RAPGEF4: variants seen among roughly 807,000 people sequenced by gnomAD.
The protein encoded by RAPGEF4 is RAP guanine-nucleotide-exchange factor (GEF) 4.
Under a neutral mutation model 147.9 loss-of-function variants are expected in RAPGEF4, and 66 were observed. The ratio of observed to expected loss-of-function variants is 0.45; its 90% CI spans 0.37 to 0.55. The LOEUF (loss-of-function observed/expected upper bound fraction) is 0.55. RAPGEF4 is among the 20% of genes least tolerant of loss of function. RAPGEF4 has a pLI of 0.00. For missense variants in RAPGEF4, 1,071 were observed against 1,257.3 expected (o/e 0.85, Z 2.24); for synonymous variants, 419 against 442.7 (o/e 0.95, Z 0.67).
intron 20 of RAPGEF4, 45 bp from the exon 21 acceptor site, chr2:173,017,381 A>G: frequency 6.4e-7 from 1 of 1,563,162 alleles, no homozygotes; most frequent in Non-Finnish European, 8.8e-7. Context: ...GCTAGCATGC[A>G]TTGGTCACTG....
chr2:173,041,355 G>A (rs1684737836), intron 29 of RAPGEF4, among the ~76,000 whole-genome samples: 1 of 152,156 alleles, frequency 6.6e-6, no homozygotes, highest in Admixed American at 6.5e-5. Context: ...AGTACTTTGA[G>A]AGTTTACATC....
chr2:172,917,498 G>T (rs920665798), intron 4 of RAPGEF4: 1 of 627,070 alleles, frequency 1.6e-6, no homozygotes, highest in Non-Finnish European at 3.0e-6. Context: ...TGTTTGTGGG[G>T]TTGGGGAGGG....
chr2:172,833,126 C>A (rs1299142053), intron 4 of RAPGEF4, among the ~76,000 whole-genome samples: 1 of 151,864 alleles, frequency 6.6e-6, no homozygotes, highest in Non-Finnish European at 1.5e-5. Flanking sequence ...ATCACTTGAA[C>A]CTGAGAGGTG....
chr2:172,920,562 T>C (rs1280152988), intron 5 of RAPGEF4, among the ~76,000 whole-genome samples: 1 of 152,136 alleles, frequency 6.6e-6, no homozygotes, highest in African/African-American at 2.4e-5. Context: ...AACCTTTCAA[T>C]GATCATCCAT....
At position 172,953,314 on chromosome 2, in the gene RAPGEF4, C is replaced by G. The variant is rs1030770421; in HGVS notation, c.538-7446C>G. ...ATATAATTCTATATATATAATAGTT[C>G]TCTATATATATCTCTATATATAGAT... is the stretch of plus-strand genomic sequence containing the variant. On this transcript the variant is annotated intron_variant, in intron 6 of 30. Transcript: ENST00000397081. Among the ~76,000 whole-genome samples, 3 of 146,176 alleles carry G rather than the reference C, an allele frequency of 2.1e-5. No homozygotes were observed. In the Admixed American group the frequency reaches 2.1e-4, roughly 10 times the overall value.
intron 6 of RAPGEF4, among the ~76,000 whole-genome samples, chr2:172,955,278 A>G (rs1411871801): frequency 2.6e-5 from 4 of 152,156 alleles, no homozygotes; most frequent in African/African-American, 9.7e-5. Context: ...CATATTTTTC[A>G]TTCACCTGAT....
At chr2:172,828,336 C>T (rs1032415083) in intron 4 of RAPGEF4, among the ~76,000 whole-genome samples, 28 of 152,126 alleles carry the variant, frequency 1.8e-4, no homozygotes, top group Admixed American at 3.9e-4. Context: ...GCAAAGTATA[C>T]AAGTCTTTCT....
intron 15 of RAPGEF4, among the ~76,000 whole-genome samples, chr2:172,996,192 A>G (rs576077148): frequency 5.7e-4 from 87 of 152,338 alleles, no homozygotes; most frequent in Non-Finnish European, 8.7e-4. Flanking sequence ...CTCAGTTCCC[A>G]GCCTGCTAAA....
chr2:172,922,429 A>C (rs920246146), intron 6 of RAPGEF4, 129 bp downstream of exon 6: 5 of 936,782 alleles, frequency 5.3e-6, no homozygotes, highest in Non-Finnish European at 8.3e-6. Context: ...TTCTAATCTC[A>C]TTCTGGCATC....
intron 27 of RAPGEF4, among the ~76,000 whole-genome samples, chr2:173,035,540 TG>T (rs961178467): frequency 2.0e-5 from 3 of 150,054 alleles, no homozygotes; most frequent in African/African-American, 7.3e-5. Flanking sequence ...GGATCTCACT[TG>T]GGGTCTCACT....
chr2:172,959,378 C>T (rs1302933177), intron 6 of RAPGEF4, among the ~76,000 whole-genome samples: 2 of 152,162 alleles, frequency 1.3e-5, no homozygotes, highest in African/African-American at 2.4e-5. Context: ...ATTTTAAGCC[C>T]CCTTGTGATT....
intron 29 of RAPGEF4, chr2:173,048,182 A>G (rs1685740209): frequency 6.3e-6 from 1 of 158,802 alleles, no homozygotes; most frequent in Non-Finnish European, 1.4e-5. Flanking sequence ...AAAATCTCAT[A>G]CCTCATTAGT....
intron 10 of RAPGEF4, among the ~76,000 whole-genome samples, chr2:172,978,475 C>T (rs3769242): frequency 0.1 from 15,891 of 152,238 alleles, 1,107 homozygotes; most frequent in East Asian, 0.29. Flanking sequence ...AGTGCTCACC[C>T]TCAGTCCTCC....
intron 28 of RAPGEF4, 60 bp downstream of exon 28, chr2:173,036,272 C>T: frequency 1.6e-6 from 2 of 1,278,274 alleles, no homozygotes; most frequent in Non-Finnish European, 2.3e-6. Context: ...GGGAAATGAA[C>T]AATACCTTGA....
intron 17 of RAPGEF4, among the ~76,000 whole-genome samples, chr2:173,002,015 A>AAAAAAAAAAAAAAAAAAAACAAAC: frequency 7.0e-6 from 1 of 142,800 alleles, no homozygotes; most frequent in East Asian, 2.0e-4. Flanking sequence ...AAAAAAAAAA[A>AAAAAAAAAAAAAAAAAAAACAAAC]TCCATTGCCT....
intron 27 of RAPGEF4, among the ~76,000 whole-genome samples, chr2:173,035,629 G>A (rs961305175): frequency 3.3e-5 from 5 of 152,172 alleles, no homozygotes; most frequent in South Asian, 2.1e-4. Flanking sequence ...TGGGATTATA[G>A]GCATGAGCCA....
At chr2:172,825,884 G>C (rs531005274) in intron 4 of RAPGEF4, among the ~76,000 whole-genome samples, 1 of 152,302 alleles carries the variant, frequency 6.6e-6, no homozygotes, top group Admixed American at 6.5e-5. Context: ...TGCATGAATT[G>C]ATTGAAGTTT....
intron 6 of RAPGEF4, among the ~76,000 whole-genome samples, chr2:172,922,959 G>GC: frequency 6.6e-6 from 1 of 152,222 alleles, no homozygotes; most frequent in East Asian, 1.9e-4. Context: ...ATAGGAGTAT[G>GC]CAGTGATTGA....
chr2:172,938,023 T>C (rs1406653551), intron 6 of RAPGEF4, among the ~76,000 whole-genome samples: 1 of 152,164 alleles, frequency 6.6e-6, no homozygotes, highest in East Asian at 1.9e-4. Context: ...GTTGCATATA[T>C]ATTCTCGGCT....
Sources: allele counts gnomAD v4.1 joint callset (sites outside exome capture counted in the v4.1 genomes callset), GRCh38; gene constraint gnomAD v4.1.1; transcripts MANE v1.5; gene names NCBI Gene and HGNC (gene_info 2026-07-23, HGNC 2026-07-21).